ADCY3: variants seen among roughly 807,000 people sequenced by gnomAD.
ADCY3 encodes the protein adenylate cyclase type 3.
ADCY3 carries 70 observed loss-of-function variants against 119.4 expected under a neutral mutation model. The observed-to-expected ratio is 0.59, with a 90% CI of 0.48 to 0.72. The LOEUF is 0.72. Ranked by LOEUF, ADCY3 falls within the 30% of genes least tolerant of loss-of-function variation. The pLI is 0.00. For synonymous variants in ADCY3, 672 were observed against 621.4 expected (o/e 1.08, Z -1.21); for missense variants, 1,238 against 1,541.6 (o/e 0.80, Z 3.30).
chr2:24,826,391 G>T (rs944082808), intron 15 of ADCY3: 1 of 422,828 alleles, frequency 2.4e-6, no homozygotes, highest in African/African-American at 2.0e-5. Flanking sequence ...AGGTATTTAA[G>T]AAACACTGCA....
At chr2:24,831,928 A>ACAGCGGC (rs1315894855) in intron 11 of ADCY3, among the ~76,000 whole-genome samples, 179 bp from the exon 12 acceptor site, 1 of 33,396 alleles carries the variant, frequency 3.0e-5, no homozygotes, top group African/African-American at 8.0e-5. Context: ...GGGACAGCGG[A>ACAGCGGC]CAGTGGCCAG....
intron 3 of ADCY3, among the ~76,000 whole-genome samples, chr2:24,859,618 G>A (rs1035559676): frequency 1.3e-5 from 2 of 152,240 alleles, no homozygotes; most frequent in Non-Finnish European, 2.9e-5. Context: ...TACAATCCAA[G>A]CTTAGGAAAT....
At position 24,891,972 on chromosome 2, in the gene ADCY3, C is replaced by T. The variant is rs549747895; in HGVS notation, c.676-19253G>A. On this transcript the variant is annotated intron_variant, in intron 2 of 21. Coordinates refer to ENST00000679454, the MANE Select transcript of ADCY3 (RefSeq NM_004036.5). The stretch of plus-strand genomic sequence containing the variant: ...TAGGCATCCACTGGGGATCCTGGAA[C>T]AGCCCCCACGAATAAGGGGGAACTA... Among the ~76,000 whole-genome samples the T allele has an allele frequency of 1.6e-4, 24 of 152,328 alleles. No homozygotes were observed. The South Asian group carries it at 4.6e-3, about 29-fold the overall frequency.
rs183925820 is a variant in ADCY3, at chr2:24,825,977, C to T, written c.2577+68G>A. On this transcript the variant is annotated intron_variant, in intron 16 of 21. Transcript: ENST00000679454. Reference sequence around the variant, plus strand: ...CTTAGGAGCTTGGGCTCTTAGGTCCCAGGGCTGCTTCTCAGGAGGCCCTGT... The same window carrying T: ...CTTAGGAGCTTGGGCTCTTAGGTCCTAGGGCTGCTTCTCAGGAGGCCCTGT... 4.5e-4 allele frequency: 671 copies of T among 1,494,182 alleles called. 2 individuals are homozygous for T. Among genetic ancestry groups the T allele is most frequent in the African/African-American group, 3.8e-3 (274 of 72,560 alleles). The allele number at this position is 1,494,182 out of a possible 1,614,324, so 92.6% of individuals were successfully genotyped here.
chr2:24,838,751 G>GGCCA lies in ADCY3; in HGVS notation c.1356-133_1356-130dup, dbSNP rs1460316958. ...GTGTCTCTCGGGCATGTGGGGCAGA[G>GGCCA]GCCAAGTGGAGGCAGTTCTGCCACT... On this transcript the variant is annotated intron_variant, in intron 7 of 21. Coordinates refer to ENST00000679454, the MANE Select transcript of ADCY3 (RefSeq NM_004036.5). 5.0e-6 allele frequency: 8 copies of GGCCA among 1,586,450 alleles called. No individual in the cohort carries two copies. In the Admixed American group the frequency reaches 1.0e-4, roughly 20 times the overall value.
chr2:24,895,896 T>C (rs1031425817), intron 2 of ADCY3, among the ~76,000 whole-genome samples: 16 of 152,244 alleles, frequency 1.1e-4, no homozygotes, highest in African/African-American at 3.6e-4. Flanking sequence ...CTAGCTTCAA[T>C]TCACTGATCA....
chr2:24,835,448 C>T (rs1411705365), intron 9 of ADCY3, among the ~76,000 whole-genome samples: 1 of 152,202 alleles, frequency 6.6e-6, no homozygotes, highest in Non-Finnish European at 1.5e-5. Context: ...GTCCTCATCA[C>T]TAGAGGGCTG....
intron 2 of ADCY3, among the ~76,000 whole-genome samples, chr2:24,916,426 G>A (rs949932032): frequency 3.3e-5 from 5 of 152,252 alleles, no homozygotes; most frequent in African/African-American, 4.8e-5. Flanking sequence ...GCTCACGCCT[G>A]TAATCCCAGC....
At chr2:24,876,881 G>T (rs922238975) in intron 2 of ADCY3, among the ~76,000 whole-genome samples, 3 of 152,128 alleles carry the variant, frequency 2.0e-5, no homozygotes, top group African/African-American at 7.2e-5. Context: ...TGCTGATCTG[G>T]GATTAATTTT....
At position 24,872,585 on chromosome 2, in the gene ADCY3, C is replaced by T. The variant is rs1675154620; in HGVS notation, c.810G>A (p.Glu270=). The T allele has an allele frequency of 6.2e-7, 1 of 1,614,168 alleles. No individual in the cohort carries two copies. Among genetic ancestry groups the T allele is most frequent in the Non-Finnish European group, 8.5e-7 (1 of 1,179,996 alleles). The stretch of plus-strand genomic sequence containing the variant: ...AGAGCCTCACCTGCTGCTGGCTCTG[C>T]TCTTCCAGGTTCATCTTCACCTCCA... ...QSLEVKMNLE[E]QSQQQENLML... is the part of the protein sequence containing the mutation. The change falls in exon 3 of 22, where the codon GAG becomes GAA. Residue 270 remains glutamate (E), a synonymous_variant. Coordinates refer to ENST00000679454, the MANE Select transcript of ADCY3 (RefSeq NM_004036.5). This position sits in a 1 kb window ranked among gnomAD's most constrained non-coding sequence, Gnocchi z 4.4.
In ADCY3 at chr2:24,827,522, A is replaced by G. The variant is rs1261530309; in HGVS notation, c.2495+24T>C. ...AGAAGAAGGGCTGTGAGTGCAGGCC[A>G]GGAGGGGAAGCCGTGGCCCTTACCT... On this transcript the variant is annotated intron_variant, in intron 15 of 21. Transcript: ENST00000679454. 3 of 1,572,018 alleles carry G rather than the reference A, an allele frequency of 1.9e-6. No individual in the cohort carries two copies. In the Admixed American group the frequency reaches 5.4e-5, roughly 28 times the overall value.
At chr2:24,828,932 T>C (rs1669016884) in intron 13 of ADCY3, among the ~76,000 whole-genome samples, 1 of 152,188 alleles carries the variant, frequency 6.6e-6, no homozygotes, top group African/African-American at 2.4e-5. Flanking sequence ...GGGGCTTCTC[T>C]TCCCTGGGTA....
At position 24,906,482 on chromosome 2, in the gene ADCY3, T is replaced by C. The variant is rs150070006; in HGVS notation, c.675+11831A>G. Among the ~76,000 whole-genome samples, 157 of 152,252 alleles carry C rather than the reference T, an allele frequency of 1.0e-3. 1 individual carries two copies. The highest frequency in any genetic ancestry group is 3.2e-3 in the African/African-American group (134 of 41,544). ...ACCAATGAAAGGTAAACTGTAAGCA[T>C]GGGCAGGAGTAGAGCAAAAAGGCAC... is the stretch of plus-strand genomic sequence containing the variant. On this transcript the variant is annotated intron_variant, in intron 2 of 21. Coordinates refer to ENST00000679454, the MANE Select transcript of ADCY3 (RefSeq NM_004036.5).
intron 2 of ADCY3, among the ~76,000 whole-genome samples, chr2:24,873,130 T>G (rs542527889): frequency 6.6e-6 from 1 of 152,358 alleles, no homozygotes; most frequent in South Asian, 2.1e-4. Flanking sequence ...CTCACTCAGG[T>G]GCTCTGCCAA....
chr2:24,906,942 C>T (rs1387105154), intron 2 of ADCY3, among the ~76,000 whole-genome samples: 1 of 152,040 alleles, frequency 6.6e-6, no homozygotes, highest in Non-Finnish European at 1.5e-5. Flanking sequence ...ACCACCCTGG[C>T]CATCATGGTG....
At chr2:24,902,847 T>C (rs1679061201) in intron 2 of ADCY3, among the ~76,000 whole-genome samples, 1 of 152,128 alleles carries the variant, frequency 6.6e-6, no homozygotes, top group Non-Finnish European at 1.5e-5. Flanking sequence ...CTGGCCAGCA[T>C]GGTGAAACCC....
rs1301236250 is a variant in ADCY3 at position 24,920,054 on chromosome 2, C to CGGG, written c.-570_-569insCCC. Among the ~76,000 whole-genome samples the CGGG allele has an allele frequency of 6.9e-6, 1 of 145,760 alleles. No homozygotes were observed. Among genetic ancestry groups the CGGG allele is most frequent in the African/African-American group, 2.5e-5 (1 of 40,512 alleles). ...TCTCCGGACCCCTCCCCTGCACCCG[C>CGGG]GGCGGCGGCGGCTGCTAGGGGCGCG... On this transcript the variant is annotated 5_prime_UTR_variant, in exon 1 of 22. Coordinates refer to ENST00000679454, the MANE Select transcript of ADCY3 (RefSeq NM_004036.5). This position sits in a 1 kb window ranked among gnomAD's most constrained non-coding sequence, Gnocchi z 4.5.
chr2:24,824,446 C>T lies in ADCY3; in HGVS notation c.2668G>A (p.Ala890Thr). The T allele has an allele frequency of 6.2e-7, 1 of 1,614,242 alleles. No homozygotes were observed. Among genetic ancestry groups the T allele is most frequent in the Non-Finnish European group, 8.5e-7 (1 of 1,180,048 alleles). ...TCAGGCAACATGTTGGTGACCAAGG[C>T]CTCGTTCCAGCGTCGCATCTCATAG... is the stretch of plus-strand genomic sequence containing the variant. ...RVYEMRRWNEALVTNMLPEHV... is the reference protein window; with the variant it reads ...RVYEMRRWNETLVTNMLPEHV... The change falls in exon 17 of 22, where the codon GCC becomes ACC. Residue 890 changes from alanine (A) to threonine (T), a missense_variant. Ala to Thr is a moderately conservative substitution (Grantham distance 58). Transcript: ENST00000679454.
In ADCY3 at chr2:24,842,134, A is replaced by T; in HGVS notation, c.956+120T>A. The T allele has an allele frequency of 7.2e-7, 1 of 1,383,366 alleles. No homozygotes were observed. Among genetic ancestry groups the T allele is most frequent in the Non-Finnish European group, 9.9e-7 (1 of 1,009,428 alleles). 85.7% of individuals were successfully genotyped at this position (1,383,366 alleles called of 1,614,324 possible). ...CCGCCAGGCTGATGAATGCTGTGGG[A>T]GGCCTTGCTTCTAGTCCCTGGAAAA... On this transcript the variant is annotated intron_variant, in intron 4 of 21. Coordinates refer to ENST00000679454, the MANE Select transcript of ADCY3 (RefSeq NM_004036.5). This position sits in a 1 kb window ranked among gnomAD's most constrained non-coding sequence, Gnocchi z 4.9.
Sources: allele counts gnomAD v4.1 joint callset (sites outside exome capture counted in the v4.1 genomes callset), GRCh38; gene constraint gnomAD v4.1.1; non-coding constraint Gnocchi (gnomAD v3.1); transcripts MANE v1.5; gene names NCBI Gene and HGNC (gene_info 2026-07-23, HGNC 2026-07-21).